NKAIN3: variants seen among roughly 807,000 people sequenced by gnomAD.
The protein encoded by NKAIN3 is sodium/potassium-transporting ATPase subunit beta-1-interacting protein 3.
In NKAIN3, 25 loss-of-function variants were observed where a neutral mutation model predicts 30.2. The observed-to-expected ratio is 0.83, with a 90% CI of 0.60 to 1.16. The LOEUF is 1.16. Ranked by LOEUF, NKAIN3 falls within the 50% of genes most tolerant of loss-of-function variation. The pLI is 0.00. For missense variants in NKAIN3, 225 were observed against 254.1 expected, an observed-to-expected ratio of 0.89 and a Z score of 0.78; for synonymous variants, 91 against 89.6, an observed-to-expected ratio of 1.02 and a Z score of -0.09.
intron 1 of NKAIN3, among the ~76,000 whole-genome samples, chr8:62,534,808 C>A (rs192653677): frequency 4.0e-5 from 6 of 151,404 alleles, no homozygotes; most frequent in Admixed American, 2.0e-4. Context: ...CCCTGCCTGC[C>A]AGGGAAGTGC....
chr8:62,831,443 A>G (rs192071476), intron 4 of NKAIN3, among the ~76,000 whole-genome samples: 236 of 152,292 alleles, frequency 1.5e-3, no homozygotes, highest in Non-Finnish European at 6.9e-4. Flanking sequence ...AGGATGCTCA[A>G]ATGAGATCCA....
At chr8:62,296,859 T>C (rs974878932) in intron 1 of NKAIN3, among the ~76,000 whole-genome samples, 4 of 152,098 alleles carry the variant, frequency 2.6e-5, no homozygotes, top group African/African-American at 9.7e-5. Context: ...CTTGGTCTCC[T>C]CCTCCCTCTC....
chr8:62,594,156 G>A (rs994331636), intron 3 of NKAIN3, among the ~76,000 whole-genome samples: 2 of 151,886 alleles, frequency 1.3e-5, no homozygotes, highest in African/African-American at 4.8e-5. Context: ...TCAGGGTGGA[G>A]GTCCTTGCTC....
intron 4 of NKAIN3, among the ~76,000 whole-genome samples, chr8:62,768,318 G>A (rs1816907742): frequency 6.6e-6 from 1 of 152,110 alleles, no homozygotes; most frequent in East Asian, 1.9e-4. Context: ...TATGAAACAG[G>A]ACATCACAGA....
Position 62,344,922 on chromosome 8 carries a change from A to T in NKAIN3, c.54+95795A>T. The T allele has an allele frequency of 3.3e-5, 13 of 388,164 alleles. 1 individual carries two copies. The highest frequency in any genetic ancestry group is 2.4e-4 in the South Asian group (12 of 49,664). 24.0% of individuals were successfully genotyped at this position (388,164 alleles called of 1,614,324 possible). ...TAGCTTGGAAATTTTAACAATATTA[A>T]TTTTTCCAGTACAATCCAATATATT... On this transcript the variant is annotated intron_variant, in intron 1 of 6. Transcript: ENST00000623646.
chr8:62,971,859 C>G lies in NKAIN3; in HGVS notation c.*6452C>G, dbSNP rs1215993123. 2.6e-5 allele frequency among the ~76,000 whole-genome samples: 4 copies of G among 152,192 alleles called. No individual in the cohort carries two copies. The highest frequency in any genetic ancestry group is 5.9e-5 in the Non-Finnish European group (4 of 68,034). ...TGTGAAATGAGAATTTCTGCCTCAT[C>G]TTGTTTCCTTATCTTGTCTTTGTGG... is the stretch of plus-strand genomic sequence containing the variant. On this transcript the variant is annotated 3_prime_UTR_variant, in exon 7 of 7. Coordinates refer to ENST00000623646, the MANE Select transcript of NKAIN3 (RefSeq NM_001304533.3).
rs1399252717 is a variant in NKAIN3 at position 62,316,334 on chromosome 8, G to T, written c.54+67207G>T. Among the ~76,000 whole-genome samples the T allele has an allele frequency of 2.6e-5, 4 of 151,958 alleles. No homozygotes were observed. The South Asian group carries it at 8.3e-4, about 32-fold the overall frequency. On this transcript the variant is annotated intron_variant, in intron 1 of 6. Coordinates refer to ENST00000623646, the MANE Select transcript of NKAIN3 (RefSeq NM_001304533.3). Reference sequence around the variant, plus strand: ...TAGGGTACATGTGCACAAGGTGCAGGTTAGTTACATATATATACTTGTGCC... The same window carrying T: ...TAGGGTACATGTGCACAAGGTGCAGTTTAGTTACATATATATACTTGTGCC...
intron 3 of NKAIN3, among the ~76,000 whole-genome samples, chr8:62,722,873 T>C (rs1200256042): frequency 6.6e-6 from 1 of 152,246 alleles, no homozygotes; most frequent in East Asian, 1.9e-4. Context: ...ATTTGAATCA[T>C]TGTCTCTGAA....
chr8:62,365,344 T>C (rs1052705208), intron 1 of NKAIN3, among the ~76,000 whole-genome samples: 6 of 137,830 alleles, frequency 4.4e-5, no homozygotes, highest in African/African-American at 1.4e-4. Context: ...TCTATAGTTA[T>C]AGACTCATAA....
intron 1 of NKAIN3, among the ~76,000 whole-genome samples, chr8:62,316,155 C>G (rs2129589025): frequency 6.6e-6 from 1 of 152,236 alleles, no homozygotes; most frequent in East Asian, 1.9e-4. Flanking sequence ...GCCTCCCCAG[C>G]CCTACAGAAC....
At chr8:62,531,210 C>T (rs1374689196) in intron 1 of NKAIN3, among the ~76,000 whole-genome samples, 1 of 152,134 alleles carries the variant, frequency 6.6e-6, no homozygotes, top group Non-Finnish European at 1.5e-5. Context: ...CTACAGCTCA[C>T]CAAAGACCCA....
chr8:62,626,023 G>A (rs1362173225), intron 3 of NKAIN3, among the ~76,000 whole-genome samples: 6 of 152,110 alleles, frequency 3.9e-5, no homozygotes, highest in South Asian at 2.1e-4. Flanking sequence ...TAGCTTATGA[G>A]TGCTATACTT....
chr8:62,814,961 C>A (rs2130720972), intron 4 of NKAIN3, among the ~76,000 whole-genome samples: 1 of 151,958 alleles, frequency 6.6e-6, no homozygotes, highest in South Asian at 2.1e-4. Flanking sequence ...TTGAAAGGAT[C>A]AACAAAATTG....
At chr8:62,716,207 G>C (rs149195482) in intron 3 of NKAIN3, among the ~76,000 whole-genome samples, 2,377 of 152,004 alleles carry the variant, frequency 0.016, 28 homozygotes, top group Admixed American at 0.03. Flanking sequence ...GCCCTTTTTT[G>C]TCAATGATAC....
intron 4 of NKAIN3, among the ~76,000 whole-genome samples, chr8:62,850,683 G>A (rs527750590): frequency 2.7e-5 from 4 of 149,430 alleles, no homozygotes; most frequent in African/African-American, 9.7e-5. Flanking sequence ...TGGCTAGCCA[G>A]TTTTCCCAGC....
intron 3 of NKAIN3, among the ~76,000 whole-genome samples, chr8:62,694,649 G>T (rs1226749059): frequency 6.6e-6 from 1 of 152,036 alleles, no homozygotes; most frequent in Non-Finnish European, 1.5e-5. Context: ...CCCTTACCTG[G>T]ACTGCCCTGA....
intron 1 of NKAIN3, among the ~76,000 whole-genome samples, chr8:62,479,820 A>T (rs1249767908): frequency 6.6e-6 from 1 of 152,154 alleles, no homozygotes; most frequent in South Asian, 2.1e-4. Flanking sequence ...ATGTTATTTT[A>T]CAAGCTCCAA....
At chr8:62,377,361 C>T (rs1330969335) in intron 1 of NKAIN3, among the ~76,000 whole-genome samples, 2 of 152,066 alleles carry the variant, frequency 1.3e-5, no homozygotes, top group Non-Finnish European at 2.9e-5. Flanking sequence ...TATTTAGGCT[C>T]TTAAATAATT....
intron 4 of NKAIN3, chr8:62,864,266 C>A (rs975576935): frequency 1.9e-6 from 2 of 1,077,710 alleles, no homozygotes; most frequent in Non-Finnish European, 2.8e-6. Flanking sequence ...AGGCAGACGG[C>A]AAAGGACAAT....
Sources: gnomAD v4.1 joint callset for allele counts (sites outside exome capture counted in the v4.1 genomes callset) on GRCh38, gnomAD v4.1.1 for gene constraint, MANE v1.5 for transcripts, NCBI Gene and HGNC (gene_info 2026-07-23, HGNC 2026-07-21) for gene names.